The following UBXN4 variants were observed in gnomAD, a reference collection of about 807,000 sequenced individuals.
UBXN4 encodes the protein UBX domain-containing protein 4.
UBXN4 carries 35 observed loss-of-function variants against 66.2 expected under a neutral mutation model. That is an observed-to-expected ratio of 0.53 (90% confidence interval 0.40 to 0.70). The LOEUF is 0.70. Among genes scored for constraint, UBXN4 ranks in the 30% least tolerant of loss-of-function variants. The pLI, the probability that UBXN4 is intolerant of heterozygous loss-of-function variation, is 0.00. For missense variants in UBXN4, 533 were observed against 599.8 expected, an observed-to-expected ratio of 0.89 and a Z score of 1.16; for synonymous variants, 203 against 204.5, an observed-to-expected ratio of 0.99 and a Z score of 0.06.
intron 6 of UBXN4, among the ~76,000 whole-genome samples, chr2:135,769,029 G>T (rs1466169365): frequency 1.3e-5 from 2 of 151,784 alleles, no homozygotes; most frequent in Admixed American, 6.6e-5. Context: ...TTCAGACAGG[G>T]TCTCCCTTTG....
chr2:135,754,105 G>T, intron 3 of UBXN4, 54 bp from the exon 4 acceptor site: 1 of 1,301,958 alleles, frequency 7.7e-7, no homozygotes, highest in Non-Finnish European at 1.1e-6. Context: ...ATAGTGTTTC[G>T]TAAAACTATC....
chr2:135,775,028 G>T (rs1258425767), intron 9 of UBXN4, among the ~76,000 whole-genome samples: 2 of 152,108 alleles, frequency 1.3e-5, no homozygotes, highest in Non-Finnish European at 2.9e-5. Flanking sequence ...TAAACAAATG[G>T]CCAGTAAGCA....
intron 10 of UBXN4, 81 bp from the exon 11 acceptor site, chr2:135,778,867 A>C (rs2077433588): frequency 7.2e-7 from 1 of 1,379,714 alleles, no homozygotes; most frequent in East Asian, 2.5e-5. Context: ...GGCAATGTTA[A>C]TTAAAGCATC....
chr2:135,742,972 T>G (rs2077186243), intron 1 of UBXN4, among the ~76,000 whole-genome samples: 1 of 152,220 alleles, frequency 6.6e-6, no homozygotes, highest in African/African-American at 2.4e-5. Context: ...TCCTGTTTTA[T>G]TACTGAAATC....
chr2:135,781,314 T>C (rs2077447907), intron 12 of UBXN4, among the ~76,000 whole-genome samples: 1 of 152,246 alleles, frequency 6.6e-6, no homozygotes, highest in Admixed American at 6.5e-5. Context: ...CTATCTTTGT[T>C]AAGATTTTAT....
chr2:135,756,168 C>G (rs559322503), intron 5 of UBXN4, among the ~76,000 whole-genome samples: 2 of 152,128 alleles, frequency 1.3e-5, no homozygotes, highest in South Asian at 2.1e-4. Flanking sequence ...TGACTGTAAA[C>G]TCATTGATAG....
At chr2:135,746,838 A>C (rs2077210003) in intron 1 of UBXN4, among the ~76,000 whole-genome samples, 1 of 152,142 alleles carries the variant, frequency 6.6e-6, no homozygotes, top group East Asian at 1.9e-4. Context: ...ACTTTGAGGA[A>C]AATGGGGAGC....
chr2:135,755,441 T>C, intron 4 of UBXN4, 76 bp from the exon 5 acceptor site: 2 of 1,159,150 alleles, frequency 1.7e-6, no homozygotes, highest in Non-Finnish European at 2.3e-6. Context: ...TAAATCAACC[T>C]GTATTTTGGT....
chr2:135,752,298 C>T (rs7595712), intron 2 of UBXN4, among the ~76,000 whole-genome samples: 32,645 of 152,136 alleles, frequency 0.21, 4,011 homozygotes, highest in Middle Eastern at 0.57. Context: ...CCACTTGCCT[C>T]GGCCTCCCAA....
Position 135,755,525 on chromosome 2 carries a change from G to T in UBXN4, c.342G>T (p.Leu114Phe). ...ATTTATTTTCTGCCTAGATGCATTT[G>T]CTAAAAAGTGAAACATCAGTAGCAA... The part of the protein sequence containing the change: ...TRIHKVRQMH[L>F]LKSETSVANG... The change falls in exon 5 of 13, where the codon TTG becomes TTT. Residue 114 changes from leucine (L) to phenylalanine (F), a missense_variant. By Grantham distance (22) the Leu-to-Phe change is conservative. Transcript: ENST00000272638. 2 of 1,578,856 alleles carry T rather than the reference G, an allele frequency of 1.3e-6. No homozygotes were observed. The highest frequency in any genetic ancestry group is 1.7e-6 in the Non-Finnish European group (2 of 1,161,800).
intron 9 of UBXN4, among the ~76,000 whole-genome samples, chr2:135,775,892 T>G (rs1482331155): frequency 6.6e-6 from 1 of 152,138 alleles, no homozygotes; most frequent in Non-Finnish European, 1.5e-5. Flanking sequence ...CTTAGCTTCC[T>G]GAGTAGCTGG....
Position 135,770,769 on chromosome 2 carries a change from G to C in UBXN4, c.822+34G>C, listed in dbSNP as rs745602341. ...TAAGTTTCCAGACATTCGTGAAACT[G>C]TTTTTCTGTGCACAGTAGCTTTAGA... is the stretch of plus-strand genomic sequence containing the variant. On this transcript the variant is annotated intron_variant, in intron 8 of 12. Coordinates refer to ENST00000272638, the MANE Select transcript of UBXN4 (RefSeq NM_014607.4). 3 of 1,446,674 alleles carry C rather than the reference G, an allele frequency of 2.1e-6. No homozygotes were observed. In the African/African-American group the frequency reaches 4.3e-5, roughly 21 times the overall value. 89.6% of individuals were successfully genotyped at this position (1,446,674 alleles called of 1,614,324 possible). A position where few individuals can be genotyped will look rare whatever the true frequency, so the allele number is the denominator to read the frequency against.
intron 8 of UBXN4, among the ~76,000 whole-genome samples, chr2:135,771,427 CATG>C (rs1197939957): frequency 6.6e-6 from 1 of 151,934 alleles, no homozygotes; most frequent in Non-Finnish European, 1.5e-5. Context: ...AGTAGGCTGA[CATG>C]GTGCCATTGC....
intron 4 of UBXN4, 72 bp downstream of exon 4, chr2:135,754,349 T>A: frequency 1.7e-6 from 2 of 1,170,650 alleles, no homozygotes; most frequent in Non-Finnish European, 2.5e-6. Context: ...TGAGATGGAG[T>A]CTCGTTCTGT....
chr2:135,762,981 A>G (rs556999635), intron 6 of UBXN4, among the ~76,000 whole-genome samples: 8 of 152,310 alleles, frequency 5.3e-5, no homozygotes, highest in Admixed American at 2.0e-4. Context: ...GTCAGGCGCT[A>G]TTTAGTTATA....
intron 4 of UBXN4, among the ~76,000 whole-genome samples, chr2:135,754,683 T>G (rs1328906017): frequency 6.6e-6 from 1 of 152,210 alleles, no homozygotes; most frequent in Non-Finnish European, 1.5e-5. Flanking sequence ...GCCAAAAATC[T>G]TAAAAGGTAG....
Position 135,780,265 on chromosome 2 carries a change from T to G in UBXN4, c.1268T>G (p.Leu423Arg). 6.2e-7 allele frequency: 1 copy of G among 1,614,182 alleles called. No individual in the cohort carries two copies. Residue 423 changes from leucine to arginine, a missense_variant, in exon 12 of 13, where the codon CTT becomes CGT. Leu to Arg is a moderately radical substitution (Grantham distance 102). This residue lies in a region of UBXN4 where 529 missense variants were observed against 580.1 expected (regional missense o/e 0.91). Coordinates refer to ENST00000272638, the MANE Select transcript of UBXN4 (RefSeq NM_014607.4). ...TTGGGAACAGTGCTTTATCCATTCC[T>G]TGCCATCTGGAGATTAATTAGCAAT... is the stretch of plus-strand genomic sequence containing the variant. ...TLLGTVLYPF[L>R]AIWRLISNFL...
intron 1 of UBXN4, chr2:135,747,812 G>A: frequency 7.8e-6 from 3 of 385,938 alleles, no homozygotes; most frequent in South Asian, 5.7e-5. Flanking sequence ...GTAGAGATGG[G>A]GTTTTACCGT....
At position 135,769,748 on chromosome 2, in the gene UBXN4, GTT is replaced by G. The variant is rs372143998; in HGVS notation, c.603-9_603-8del. On this transcript the variant is annotated intron_variant, in intron 6 of 12. Transcript: ENST00000272638. ...ATATGATGTGTCTCAATTAGTGGTG[GTT>G]TTTTTTTTTTTAATACAGACTAACA... 671 of 1,124,158 alleles carry G rather than the reference GTT, an allele frequency of 6.0e-4. No homozygotes were observed. The highest frequency in any genetic ancestry group is 1.9e-3 in the East Asian group (68 of 35,546). 69.6% of individuals were successfully genotyped at this position (1,124,158 alleles called of 1,614,324 possible).
Sources: gnomAD v4.1 joint callset for allele counts (sites outside exome capture counted in the v4.1 genomes callset) on GRCh38, gnomAD v4.1.1 for gene constraint, gnomAD v4.1.1 regional missense constraint, MANE v1.5 for transcripts, NCBI Gene and HGNC (gene_info 2026-07-23, HGNC 2026-07-21) for gene names.